The following PHACTR1 variants were observed in gnomAD, a reference collection of about 807,000 sequenced individuals.
PHACTR1 encodes RPEL repeat containing 1.
Under a neutral mutation model 69.2 loss-of-function variants are expected in PHACTR1, and 16 were observed. The observed-to-expected ratio is 0.23, with a 90% CI of 0.16 to 0.35. The LOEUF is 0.35. Among genes scored for constraint, PHACTR1 ranks in the 10% least tolerant of loss-of-function variants. The pLI is 1.00. For missense variants in PHACTR1, 510 were observed against 734.7 expected, an observed-to-expected ratio of 0.69 and a Z score of 3.54; for synonymous variants, 312 against 284.5, an observed-to-expected ratio of 1.10 and a Z score of -0.97.
At chr6:12,718,535 C>T (rs990482253) in intron 2 of PHACTR1, 164 bp from the exon 3 acceptor site, 13 of 320,998 alleles carry the variant, frequency 4.0e-5, no homozygotes, top group Non-Finnish European at 6.8e-5. Context: ...TTTTCTCACA[C>T]GGTAGGAAAG....
chr6:13,017,064 T>A (rs1160209246), intron 4 of PHACTR1, among the ~76,000 whole-genome samples: 2 of 151,858 alleles, frequency 1.3e-5, no homozygotes, highest in African/African-American at 4.8e-5. Context: ...CACATACCTG[T>A]AATCCCAGCT....
intron 5 of PHACTR1, among the ~76,000 whole-genome samples, chr6:13,126,923 G>A (rs1819627104): frequency 6.6e-6 from 1 of 152,202 alleles, no homozygotes; most frequent in Non-Finnish European, 1.5e-5. Context: ...GGGCCTGAGA[G>A]TTACATTGAT....
At chr6:13,000,607 G>GGGAAGGGA (rs1393998773) in intron 4 of PHACTR1, among the ~76,000 whole-genome samples, 2 of 71,514 alleles carry the variant, frequency 2.8e-5, no homozygotes, top group Non-Finnish European at 4.9e-5. Flanking sequence ...GAGGGAAGGA[G>GGGAAGGGA]GGAAGGGAGG....
intron 6 of PHACTR1, among the ~76,000 whole-genome samples, chr6:13,169,553 C>T (rs988528378): frequency 3.0e-4 from 46 of 152,156 alleles, no homozygotes; most frequent in Non-Finnish European, 4.7e-4. Context: ...CCCTCAAAAA[C>T]TAAGAAGTGG....
At chr6:13,151,271 A>T (rs938368552) in intron 5 of PHACTR1, among the ~76,000 whole-genome samples, 6 of 152,214 alleles carry the variant, frequency 3.9e-5, no homozygotes, top group African/African-American at 1.4e-4. Flanking sequence ...CCTGGAGAGA[A>T]ATCTAAATAA....
chr6:12,742,294 C>T (rs887654139), intron 3 of PHACTR1, among the ~76,000 whole-genome samples: 1 of 152,264 alleles, frequency 6.6e-6, no homozygotes, highest in Admixed American at 6.5e-5. Flanking sequence ...GTTCCTCCCC[C>T]TTTTTAGACC....
At chr6:13,243,934 C>CT (rs1279529637) in intron 10 of PHACTR1, among the ~76,000 whole-genome samples, 14 of 152,128 alleles carry the variant, frequency 9.2e-5, no homozygotes, top group African/African-American at 3.1e-4. Context: ...TGATCTCATT[C>CT]TTTTTTATGG....
At chr6:13,194,142 C>T (rs998781997) in intron 7 of PHACTR1, among the ~76,000 whole-genome samples, 8 of 152,172 alleles carry the variant, frequency 5.3e-5, no homozygotes, top group Non-Finnish European at 1.0e-4. Flanking sequence ...CGATGGCTCA[C>T]GCCTGTAATC....
At chr6:13,194,904 G>C (rs535410791) in intron 7 of PHACTR1, among the ~76,000 whole-genome samples, 1 of 152,260 alleles carries the variant, frequency 6.6e-6, no homozygotes, top group South Asian at 2.1e-4. Context: ...TTCCAGATCT[G>C]AGGACGGTCC....
In PHACTR1 at chr6:12,969,277, T is replaced by A. The variant is rs560135803; in HGVS notation, c.251-84088T>A. On this transcript the variant is annotated intron_variant, in intron 4 of 14. Coordinates refer to ENST00000332995, the MANE Select transcript of PHACTR1 (RefSeq NM_030948.6). ...ATATCTTATCTGAGTCGCTGAGTAT[T>A]GGATTGCAGGGAATTCATACTTGAC... Among the ~76,000 whole-genome samples the A allele has an allele frequency of 2.6e-4, 39 of 152,308 alleles. No individual in the cohort carries two copies. In the South Asian group the frequency reaches 7.9e-3, roughly 31 times the overall value.
At chr6:12,970,134 T>A (rs1794013743) in intron 4 of PHACTR1, among the ~76,000 whole-genome samples, 1 of 152,226 alleles carries the variant, frequency 6.6e-6, no homozygotes, top group African/African-American at 2.4e-5. Flanking sequence ...AGTGCACCTC[T>A]AAGAAGCTGA....
chr6:13,247,729 C>G (rs946949680), intron 10 of PHACTR1, among the ~76,000 whole-genome samples: 1 of 152,130 alleles, frequency 6.6e-6, no homozygotes, highest in Non-Finnish European at 1.5e-5. Context: ...AGGCATGCAC[C>G]TATAGCCCCA....
In PHACTR1 at chr6:12,903,011, G is replaced by A. The variant is rs545675850; in HGVS notation, c.251-150354G>A. Among the ~76,000 whole-genome samples, 10 of 152,214 alleles carry A rather than the reference G, an allele frequency of 6.6e-5. No individual in the cohort carries two copies. In the South Asian group the frequency reaches 1.2e-3, roughly 19 times the overall value. On this transcript the variant is annotated intron_variant, in intron 4 of 14. Transcript: ENST00000332995. The stretch of plus-strand genomic sequence containing the variant: ...ATCCCTGGTGGCTTTTTCAACTTAC[G>A]AATTTGAGGTGAAGGAAGAAGAGAA...
At chr6:12,949,763 G>A (rs756204293) in intron 4 of PHACTR1, among the ~76,000 whole-genome samples, 5 of 152,130 alleles carry the variant, frequency 3.3e-5, no homozygotes, top group Non-Finnish European at 5.9e-5. Flanking sequence ...AACAGCTTCT[G>A]TGGTTTGAAA....
chr6:12,948,827 T>G (rs1160934959), intron 4 of PHACTR1, among the ~76,000 whole-genome samples: 1 of 152,220 alleles, frequency 6.6e-6, no homozygotes, highest in Non-Finnish European at 1.5e-5. Context: ...ATTTGACAAT[T>G]TAGTGATATA....
intron 7 of PHACTR1, among the ~76,000 whole-genome samples, chr6:13,205,035 A>G (rs1765705446): frequency 2.0e-5 from 3 of 152,248 alleles, no homozygotes; most frequent in Admixed American, 2.0e-4. Context: ...GAGGCCAGGT[A>G]ATTTGTGAAG....
At chr6:12,888,164 C>T (rs1464680943) in intron 4 of PHACTR1, among the ~76,000 whole-genome samples, 4 of 151,186 alleles carry the variant, frequency 2.6e-5, no homozygotes, top group African/African-American at 4.9e-5. Flanking sequence ...GGATTAGTGC[C>T]TTAGAATGGG....
At chr6:13,037,836 T>A (rs996770227) in intron 4 of PHACTR1, among the ~76,000 whole-genome samples, 1 of 152,194 alleles carries the variant, frequency 6.6e-6, no homozygotes, top group Admixed American at 6.5e-5. Context: ...CTGGTCTACA[T>A]GAAGAGAGAA....
At chr6:12,743,600 A>T (rs1459114854) in intron 3 of PHACTR1, among the ~76,000 whole-genome samples, 1 of 152,224 alleles carries the variant, frequency 6.6e-6, no homozygotes, top group Non-Finnish European at 1.5e-5. Flanking sequence ...TGCAACAAGA[A>T]GAGCTAACTA....
Sources: gnomAD v4.1 joint callset for allele counts (sites outside exome capture counted in the v4.1 genomes callset) on GRCh38, gnomAD v4.1.1 for gene constraint, MANE v1.5 for transcripts, NCBI Gene and HGNC (gene_info 2026-07-23, HGNC 2026-07-21) for gene names.